PTPRG: variants seen among roughly 807,000 people sequenced by gnomAD.
PTPRG encodes the protein protein tyrosine phosphatase receptor type G.
PTPRG carries 102 observed loss-of-function variants against 165.3 expected under a neutral mutation model. That is an observed-to-expected ratio of 0.62 (90% CI 0.53 to 0.73). The LOEUF is 0.73. Ranked by LOEUF, PTPRG falls within the 30% of genes least tolerant of loss-of-function variation. PTPRG has a pLI of 0.00. For missense variants in PTPRG, 1,866 were observed against 1,861.4 expected (o/e 1.00, Z -0.05); for synonymous variants, 675 against 669.5 (o/e 1.01, Z -0.13).
chr3:61,871,739 T>C (rs1043644837), intron 2 of PTPRG, among the ~76,000 whole-genome samples: 1 of 152,190 alleles, frequency 6.6e-6, no homozygotes, highest in Non-Finnish European at 1.5e-5. Context: ...GTTGTAGCTT[T>C]GGTAGTCAGG....
Position 62,214,333 on chromosome 3 carries a change from G to C in PTPRG, c.2156-4518G>C, listed in dbSNP as rs919098884. Among the ~76,000 whole-genome samples, 1 of 152,208 alleles carries C rather than the reference G, an allele frequency of 6.6e-6. No individual in the cohort carries two copies. The highest frequency in any genetic ancestry group is 2.4e-5 in the African/African-American group (1 of 41,450). ...GGTGGCGGGTGATGGTGTTGCCGAAGCTGGGGTGGTGGTGATGACAATAAT... is the reference window on the plus strand; with the variant it reads ...GGTGGCGGGTGATGGTGTTGCCGAACCTGGGGTGGTGGTGATGACAATAAT... On this transcript the variant is annotated intron_variant, in intron 12 of 29. Transcript: ENST00000474889. This position sits in a 1 kb window ranked among gnomAD's most constrained non-coding sequence, Gnocchi z 5.2.
chr3:62,182,947 G>T (rs921810043), intron 8 of PTPRG, among the ~76,000 whole-genome samples: 2 of 152,182 alleles, frequency 1.3e-5, no homozygotes, highest in African/African-American at 4.8e-5. Flanking sequence ...GAGCCACTAC[G>T]CCCGGCTAAC....
At chr3:61,761,446 G>T (rs114042818) in intron 2 of PTPRG, among the ~76,000 whole-genome samples, 1 of 152,124 alleles carries the variant, frequency 6.6e-6, no homozygotes, top group Admixed American at 6.5e-5. Flanking sequence ...AGGCGTGGTG[G>T]TGGACACCTG....
At chr3:61,968,206 T>G (rs2040311567) in intron 2 of PTPRG, among the ~76,000 whole-genome samples, 3 of 152,206 alleles carry the variant, frequency 2.0e-5, no homozygotes, top group African/African-American at 7.2e-5. Context: ...TTTTATTTTG[T>G]CAAGTGTGGT....
chr3:62,080,640 A>G (rs1484658780), intron 5 of PTPRG, among the ~76,000 whole-genome samples: 1 of 152,180 alleles, frequency 6.6e-6, no homozygotes, highest in East Asian at 1.9e-4. Flanking sequence ...AAAATTTAAA[A>G]AAAACTTTTT....
intron 5 of PTPRG, among the ~76,000 whole-genome samples, chr3:62,089,345 C>T (rs1701854126): frequency 1.3e-5 from 2 of 152,116 alleles, no homozygotes; most frequent in African/African-American, 2.4e-5. Context: ...CCGTGTGAGA[C>T]TTTTTATGAT....
intron 2 of PTPRG, among the ~76,000 whole-genome samples, chr3:61,764,914 T>C (rs1023797409): frequency 6.6e-6 from 1 of 152,188 alleles, no homozygotes; most frequent in Non-Finnish European, 1.5e-5. Context: ...TGGCATTTAG[T>C]GGGTAGAGGA....
Position 61,696,398 on chromosome 3 carries a change from A to T in PTPRG, c.86-52480A>T, listed in dbSNP as rs142358242. The stretch of plus-strand genomic sequence containing the variant: ...GCGCCTGTAATCCCAGCTACTTGGG[A>T]GGCTGAGGCAAGAGAATTGCTTGAA... On this transcript the variant is annotated intron_variant, in intron 1 of 29. Coordinates refer to ENST00000474889, the MANE Select transcript of PTPRG (RefSeq NM_002841.4). Among the ~76,000 whole-genome samples, 932 of 152,226 alleles carry T rather than the reference A, an allele frequency of 6.1e-3. 6 individuals are homozygous for T. The highest frequency in any genetic ancestry group is 0.011 in the Admixed American group (172 of 15,282).
intron 2 of PTPRG, among the ~76,000 whole-genome samples, chr3:61,870,550 A>T (rs1575738795): frequency 1.8e-5 from 1 of 54,972 alleles, no homozygotes; most frequent in African/African-American, 7.4e-5. Context: ...TATTTTTAGT[A>T]GAGATGGATT....
At chr3:62,116,845 A>G (rs1017764282) in intron 5 of PTPRG, among the ~76,000 whole-genome samples, 29 of 152,328 alleles carry the variant, frequency 1.9e-4, no homozygotes, top group African/African-American at 6.7e-4. Context: ...TAAACTAAGG[A>G]CTTCCACGTT....
At chr3:62,056,481 T>C (rs1700639455) in intron 4 of PTPRG, among the ~76,000 whole-genome samples, 1 of 152,176 alleles carries the variant, frequency 6.6e-6, no homozygotes. Flanking sequence ...ACAATTCTTC[T>C]TCCATTGTGG....
chr3:62,274,672 G>A (rs1238321939), intron 23 of PTPRG, among the ~76,000 whole-genome samples: 1 of 152,104 alleles, frequency 6.6e-6, no homozygotes, highest in African/African-American at 2.4e-5. Context: ...AATCTCAGCT[G>A]AAGAAATGAG....
chr3:61,746,030 ACTTT>A (rs1477085662), intron 1 of PTPRG, among the ~76,000 whole-genome samples: 8 of 143,416 alleles, frequency 5.6e-5, no homozygotes, highest in Admixed American at 2.2e-4. Flanking sequence ...ATTTTATTAA[ACTTT>A]CTTTCTTTTT....
In PTPRG at chr3:61,694,669, T is replaced by C. The variant is rs555248605; in HGVS notation, c.86-54209T>C. Among the ~76,000 whole-genome samples the C allele has an allele frequency of 5.9e-5, 9 of 152,330 alleles. No homozygotes were observed. In the East Asian group the frequency reaches 9.6e-4, roughly 16 times the overall value. On this transcript the variant is annotated intron_variant, in intron 1 of 29. Coordinates refer to ENST00000474889, the MANE Select transcript of PTPRG (RefSeq NM_002841.4). ...CTTAAAACATCCTAGATATCCATAA[T>C]TAGGGAATTTCAAATTGTGATATAT...
intron 4 of PTPRG, among the ~76,000 whole-genome samples, chr3:62,039,670 G>C (rs1202855642): frequency 6.6e-6 from 1 of 152,142 alleles, no homozygotes; most frequent in African/African-American, 2.4e-5. Context: ...AAACAAATAT[G>C]ACCGTGTTTT....
At chr3:61,701,273 G>T (rs1314446466) in intron 1 of PTPRG, among the ~76,000 whole-genome samples, 2 of 152,098 alleles carry the variant, frequency 1.3e-5, no homozygotes, top group Non-Finnish European at 2.9e-5. Flanking sequence ...ATAGCTGTGT[G>T]ATACTTCTCA....
intron 6 of PTPRG, among the ~76,000 whole-genome samples, chr3:62,149,290 T>G (rs1378180438): frequency 8.6e-6 from 1 of 116,136 alleles, no homozygotes; most frequent in Non-Finnish European, 1.9e-5. Flanking sequence ...TTTTTTTCCC[T>G]CAAGGCAAGA....
At chr3:62,149,449 T>C (rs1316972119) in intron 6 of PTPRG, among the ~76,000 whole-genome samples, 1 of 152,114 alleles carries the variant, frequency 6.6e-6, no homozygotes, top group Non-Finnish European at 1.5e-5. Context: ...AATTTTTGTA[T>C]CTTTAGATGT....
chr3:62,238,347 G>T (rs1251952196), intron 14 of PTPRG, among the ~76,000 whole-genome samples: 2 of 152,072 alleles, frequency 1.3e-5, no homozygotes, highest in African/African-American at 4.8e-5. Flanking sequence ...TGTTGATGGG[G>T]GTGGGCTTTA....
Sources: allele counts gnomAD v4.1 joint callset (sites outside exome capture counted in the v4.1 genomes callset), GRCh38; gene constraint gnomAD v4.1.1; non-coding constraint Gnocchi (gnomAD v3.1); transcripts MANE v1.5; gene names NCBI Gene and HGNC (gene_info 2026-07-23, HGNC 2026-07-21).